BDH1: variants seen among roughly 807,000 people sequenced by gnomAD.
The protein encoded by BDH1 is D-beta-hydroxybutyrate dehydrogenase, mitochondrial.
Under a neutral mutation model 33.1 loss-of-function variants are expected in BDH1, and 30 were observed. The observed-to-expected ratio is 0.91, with a 90% CI of 0.68 to 1.23. The LOEUF is 1.23. BDH1 is among the 50% of genes most tolerant of loss of function. BDH1 has a pLI of 0.00. For synonymous variants in BDH1, 190 were observed against 183.6 expected (o/e 1.03, Z -0.28); for missense variants, 443 against 464.4 (o/e 0.95, Z 0.42).
chr3:197,543,931 G>T (rs1056337141), intron 3 of BDH1, among the ~76,000 whole-genome samples: 2 of 152,144 alleles, frequency 1.3e-5, no homozygotes, highest in African/African-American at 4.8e-5. Flanking sequence ...CAGGAGAAAA[G>T]ATTTCTCCTC....
intron 3 of BDH1, among the ~76,000 whole-genome samples, chr3:197,545,613 T>G (rs969724315): frequency 2.0e-5 from 3 of 152,254 alleles, no homozygotes; most frequent in Admixed American, 2.0e-4. Context: ...GATTCGATCC[T>G]GGACCAGAAA....
chr3:197,517,097 T>C (rs1712815839), intron 6 of BDH1, among the ~76,000 whole-genome samples: 1 of 152,000 alleles, frequency 6.6e-6, no homozygotes. Context: ...TAGCATTCCC[T>C]TGGGTCCTCG....
intron 1 of BDH1, among the ~76,000 whole-genome samples, chr3:197,570,330 G>A (rs2885273): frequency 3.6e-4 from 55 of 152,178 alleles, no homozygotes; most frequent in Non-Finnish European, 6.3e-4. Flanking sequence ...AAAGAAAAAC[G>A]CATTTTCTGA....
chr3:197,556,680 T>A (rs1333008762), upstream of BDH1, among the ~76,000 whole-genome samples: 3 of 152,032 alleles, frequency 2.0e-5, no homozygotes, highest in Admixed American at 6.5e-5. Context: ...AACAAAAAAA[T>A]TAAAGATTTG....
chr3:197,546,120 A>C, intron 3 of BDH1: 1 of 414,632 alleles, frequency 2.4e-6, no homozygotes, highest in Non-Finnish European at 4.4e-6. Flanking sequence ...CTGGCAACAG[A>C]GTGAGACTCC....
chr3:197,555,266 A>G, intron 1 of BDH1: 1 of 154,534 alleles, frequency 6.5e-6, no homozygotes, highest in Non-Finnish European at 1.4e-5. Flanking sequence ...GAGGAGGAGG[A>G]GGGACGCGGA....
intron 6 of BDH1, among the ~76,000 whole-genome samples, chr3:197,519,509 A>G (rs1713288054): frequency 6.6e-6 from 1 of 151,936 alleles, no homozygotes. Flanking sequence ...AAAAAAAAAA[A>G]AAAAATTAGC....
chr3:197,515,593 CTTCAG>C, intron 6 of BDH1: 1 of 985,552 alleles, frequency 1.0e-6, no homozygotes, highest in Non-Finnish European at 1.2e-6. Context: ...GACTCCATCC[CTTCAG>C]TTCTATACAC....
At chr3:197,515,534 A>G in intron 6 of BDH1, 4 of 985,632 alleles carry the variant, frequency 4.1e-6, no homozygotes, top group Non-Finnish European at 4.8e-6. Context: ...GACCATAGCC[A>G]CTGATCCTTC....
intron 5 of BDH1, chr3:197,529,776 G>T (rs1366508085): frequency 1.3e-5 from 2 of 152,106 alleles, no homozygotes; most frequent in African/African-American, 4.8e-5. Context: ...TTATATTATT[G>T]AAATTTTACG....
At chr3:197,533,613 A>G in intron 3 of BDH1, 52 bp from the exon 4 acceptor site, 1 of 1,574,992 alleles carries the variant, frequency 6.3e-7, no homozygotes, top group Non-Finnish European at 8.7e-7. Flanking sequence ...ACAGACCCTC[A>G]GCCACACTGG....
At chr3:197,515,324 G>A (rs1160951053) in intron 6 of BDH1, 1 of 985,464 alleles carries the variant, frequency 1.0e-6, no homozygotes, top group African/African-American at 1.7e-5. Flanking sequence ...CTCCACCAAA[G>A]CCTTGCGGGT....
chr3:197,562,586 C>T (rs1257285646), intron 1 of BDH1, among the ~76,000 whole-genome samples: 1 of 152,084 alleles, frequency 6.6e-6, no homozygotes, highest in Non-Finnish European at 1.5e-5. Flanking sequence ...AAGGGCTGAT[C>T]ACCTGGCATT....
chr3:197,558,005 GTAGT>G (rs1226771333), upstream of BDH1, among the ~76,000 whole-genome samples: 1 of 152,242 alleles, frequency 6.6e-6, no homozygotes, highest in East Asian at 1.9e-4. Flanking sequence ...TGCTAGAAAA[GTAGT>G]TAAAGGAAGA....
chr3:197,540,913 C>A (rs758969694), intron 3 of BDH1, among the ~76,000 whole-genome samples: 1 of 152,182 alleles, frequency 6.6e-6, no homozygotes, highest in African/African-American at 2.4e-5. Flanking sequence ...CACAGCAATA[C>A]CCTGACAAGG....
At chr3:197,532,001 T>C (rs772650209) in intron 5 of BDH1, among the ~76,000 whole-genome samples, 8 of 152,284 alleles carry the variant, frequency 5.3e-5, no homozygotes, top group Admixed American at 1.3e-4. Context: ...TGGCATGCCA[T>C]CATCAATCCC....
intron 1 of BDH1, among the ~76,000 whole-genome samples, chr3:197,572,357 TAGA>T (rs1467641430): frequency 2.0e-5 from 3 of 152,298 alleles, no homozygotes; most frequent in Non-Finnish European, 2.9e-5. Context: ...AGTTATAGAT[TAGA>T]AGAAGTTAAT....
chr3:197,513,519 G>A (rs568315672), intron 7 of BDH1, among the ~76,000 whole-genome samples: 4 of 151,884 alleles, frequency 2.6e-5, no homozygotes, highest in Non-Finnish European at 5.9e-5. Context: ...GTGTGTCCCC[G>A]GGAGGGCACT....
At chr3:197,547,663 G>A (rs750319633) in intron 2 of BDH1, among the ~76,000 whole-genome samples, 11 of 152,220 alleles carry the variant, frequency 7.2e-5, no homozygotes, top group Non-Finnish European at 1.0e-4. Context: ...TTTTAACACC[G>A]GTCAAGCTAT....
Sources: allele counts gnomAD v4.1 joint callset (sites outside exome capture counted in the v4.1 genomes callset), GRCh38; gene constraint gnomAD v4.1.1; transcripts MANE v1.5; gene names NCBI Gene and HGNC (gene_info 2026-07-23, HGNC 2026-07-21).